The following SLU7 variants were observed in gnomAD, a reference collection of about 807,000 sequenced individuals.
SLU7 encodes the protein spliceosome associated SLU7, also known as pre-mRNA-splicing factor SLU7.
SLU7 carries 60 observed loss-of-function variants against 87.0 expected under a neutral mutation model. The ratio of observed to expected loss-of-function variants is 0.69; its 90% CI spans 0.56 to 0.86. The LOEUF (loss-of-function observed/expected upper bound fraction) is 0.86. SLU7 is among the 40% of genes least tolerant of loss of function. SLU7 has a pLI of 0.00. For missense variants in SLU7, 507 were observed against 686.6 expected (o/e 0.74, Z 2.92); for synonymous variants, 197 against 222.0 (o/e 0.89, Z 1.00).
chr5:160,418,465 A>C (rs1052904378), intron 1 of SLU7: 1 of 152,220 alleles, frequency 6.6e-6, no homozygotes, highest in Non-Finnish European at 1.5e-5. Context: ...AACTGAATAA[A>C]GTATTATAGT....
chr5:160,416,263 G>A (rs1033220927), intron 1 of SLU7, among the ~76,000 whole-genome samples: 3 of 152,034 alleles, frequency 2.0e-5, no homozygotes, highest in African/African-American at 7.2e-5. Context: ...ATTCCTCAAG[G>A]CTCAGTCAGC....
intron 6 of SLU7, among the ~76,000 whole-genome samples, chr5:160,411,514 C>T (rs1248744847): frequency 6.6e-6 from 1 of 152,146 alleles, no homozygotes; most frequent in African/African-American, 2.4e-5. Context: ...CCATTGTGCT[C>T]GGCCAGAGAT....
intron 1 of SLU7, among the ~76,000 whole-genome samples, chr5:160,416,899 G>A (rs1355500909): frequency 1.3e-5 from 2 of 152,220 alleles, no homozygotes; most frequent in Admixed American, 6.5e-5. Context: ...TTGTGGGAGA[G>A]ACCGGGTGAG....
intron 1 of SLU7, among the ~76,000 whole-genome samples, chr5:160,416,299 A>C (rs571446738): frequency 6.6e-6 from 1 of 152,164 alleles, no homozygotes; most frequent in Non-Finnish European, 1.5e-5. Context: ...CTAAACTCCC[A>C]CTAATGGATA....
rs1436559178 is a variant in SLU7 at position 160,407,689 on chromosome 5, A to T, written c.985+57T>A. 1 of 1,602,228 alleles carries T rather than the reference A, an allele frequency of 6.2e-7. No individual in the cohort carries two copies. The highest frequency in any genetic ancestry group is 1.3e-5 in the African/African-American group (1 of 74,294). On this transcript the variant is annotated intron_variant, in intron 10 of 15. Transcript: ENST00000297151. This position sits in a 1 kb window ranked among gnomAD's most constrained non-coding sequence, Gnocchi z 4.2. ...TGCTTCTTGAAAACAAGCTTTAAAC[A>T]ATCCCAAACGTCTTATGAGCTGATA... is the stretch of plus-strand genomic sequence containing the variant.
chr5:160,404,622 C>T (rs1048109458), intron 14 of SLU7, 66 bp from the exon 15 acceptor site: 29 of 1,120,032 alleles, frequency 2.6e-5, no homozygotes, highest in South Asian at 1.5e-4. Context: ...ACTACTTGGG[C>T]GGCTGAGGCA....
chr5:160,413,440 A>C lies in SLU7; in HGVS notation c.570+16T>G, dbSNP rs1323038775. On this transcript the variant is annotated intron_variant, in intron 5 of 15. Coordinates refer to ENST00000297151, the MANE Select transcript of SLU7 (RefSeq NM_006425.5). ...GATTCTTTAAAAACCCCAGGAAAGC[A>C]GGGAATTTTGCTCACCAAATCAACT... is the stretch of plus-strand genomic sequence containing the variant. 1 of 1,610,662 alleles carries C rather than the reference A, an allele frequency of 6.2e-7. No homozygotes were observed. Among genetic ancestry groups the C allele is most frequent in the Admixed American group, 1.7e-5 (1 of 59,620 alleles).
Position 160,408,059 on chromosome 5 carries a change from T to C in SLU7, c.829A>G (p.Asn277Asp). The change falls in exon 9 of 16, where the codon AAT (asparagine) becomes GAT (aspartate). Residue 277 changes from asparagine to aspartate, a missense_variant. Transcript: ENST00000297151. ...IREDIAKYLR[N>D]LDPNSAYYDP... ...TAGTAGGCAGAATTTGGATCTAAAT[T>C]CCTCAAATACTAGAAGAAAAAAATA... 9 of 1,602,918 alleles carry C rather than the reference T, an allele frequency of 5.6e-6. No individual in the cohort carries two copies. The highest frequency in any genetic ancestry group is 7.7e-6 in the Non-Finnish European group (9 of 1,170,210).
intron 12 of SLU7, among the ~76,000 whole-genome samples, chr5:160,405,751 G>A (rs1262975631): frequency 6.6e-6 from 1 of 151,992 alleles, no homozygotes; most frequent in Non-Finnish European, 1.5e-5. Flanking sequence ...AAACATACAG[G>A]GATAGAGAAA....
Position 160,401,703 on chromosome 5 carries a change from C to T in SLU7, c.*1582G>A, listed in dbSNP as rs1184813264. On this transcript the variant is annotated 3_prime_UTR_variant, in exon 16 of 16. Coordinates refer to ENST00000297151, the MANE Select transcript of SLU7 (RefSeq NM_006425.5). ...AAGATAAAATACAAAACGGACACAA[C>T]ATCAGCCTTTATGTTGAACCACCCT... 1 of 152,192 alleles carries T rather than the reference C, an allele frequency of 6.6e-6. No homozygotes were observed. The highest frequency in any genetic ancestry group is 2.4e-5 in the African/African-American group (1 of 41,434). 9.4% of individuals were successfully genotyped at this position (152,192 alleles called of 1,614,324 possible).
Position 160,406,505 on chromosome 5 carries a change from G to C in SLU7, c.1250C>G (p.Ser417Cys). The change falls in exon 12 of 16, where the codon TCT (serine) becomes TGT (cysteine). Residue 417 changes from serine to cysteine, a missense_variant. By Grantham distance (112) the Ser-to-Cys change is moderately radical. Coordinates refer to ENST00000297151, the MANE Select transcript of SLU7 (RefSeq NM_006425.5). ...GATCTTCACATCCTCCTCATACTTA[G>C]AGCAGGCAACAGCCCGCTCCTGTCC... ...IKGQERAVACSKYEEDVKIHN... is the reference protein window; with the variant it reads ...IKGQERAVACCKYEEDVKIHN... 2 of 1,613,228 alleles carry C rather than the reference G, an allele frequency of 1.2e-6. No homozygotes were observed. The highest frequency in any genetic ancestry group is 1.7e-6 in the Non-Finnish European group (2 of 1,179,712).
At chr5:160,406,997 T>C (rs1765041893) in intron 11 of SLU7, among the ~76,000 whole-genome samples, 1 of 152,248 alleles carries the variant, frequency 6.6e-6, no homozygotes, top group Admixed American at 6.5e-5. Context: ...GCAAATGTGA[T>C]GCAAGCAAAG....
At chr5:160,413,712 C>A in intron 4 of SLU7, 92 bp from the exon 5 acceptor site, 1 of 1,197,502 alleles carries the variant, frequency 8.4e-7, no homozygotes, top group Non-Finnish European at 1.2e-6. Context: ...ACTTTACGAT[C>A]TATTCAATTT....
Position 160,407,464 on chromosome 5 carries a change from G to A in SLU7, c.1125+12C>T. On this transcript the variant is annotated intron_variant, in intron 11 of 15. Transcript: ENST00000297151. This position sits in a 1 kb window ranked among gnomAD's most constrained non-coding sequence, Gnocchi z 4.2. Reference sequence around the variant, plus strand: ...AACAGAAGTTCTTCTTTAGCATTTTGGTCAAAATTACCTTTTCCAGGATGC... The same window carrying A: ...AACAGAAGTTCTTCTTTAGCATTTTAGTCAAAATTACCTTTTCCAGGATGC... 2 of 1,597,066 alleles carry A rather than the reference G, an allele frequency of 1.3e-6. No individual in the cohort carries two copies. The highest frequency in any genetic ancestry group is 1.7e-6 in the Non-Finnish European group (2 of 1,174,702).
At chr5:160,416,525 G>C (rs1429950192) in intron 1 of SLU7, among the ~76,000 whole-genome samples, 1 of 152,188 alleles carries the variant, frequency 6.6e-6, no homozygotes. Flanking sequence ...TCAATCTCAT[G>C]ATCTTCCCTC....
chr5:160,408,744 A>C (rs746138255), intron 6 of SLU7, 47 bp from the exon 7 acceptor site: 6 of 880,740 alleles, frequency 6.8e-6, no homozygotes. Context: ...ATTCCACTTA[A>C]TCCAATTAAC....
chr5:160,412,657 G>A, intron 5 of SLU7, 138 bp from the exon 6 acceptor site: 1 of 600,272 alleles, frequency 1.7e-6, no homozygotes, highest in Non-Finnish European at 2.8e-6. Flanking sequence ...AAAGGTCACT[G>A]AACAAACCTA....
At chr5:160,404,389 A>C in intron 15 of SLU7, 51 bp downstream of exon 15, 1 of 1,193,534 alleles carries the variant, frequency 8.4e-7, no homozygotes, top group Non-Finnish European at 1.2e-6. Flanking sequence ...AACCCAAAAA[A>C]CAAAGAATAC....
Position 160,402,200 on chromosome 5 carries a change from A to C in SLU7, c.*1085T>G, listed in dbSNP as rs1255657223. 1 of 152,228 alleles carries C rather than the reference A, an allele frequency of 6.6e-6. No individual in the cohort carries two copies. Among genetic ancestry groups the C allele is most frequent in the Non-Finnish European group, 1.5e-5 (1 of 68,042 alleles). 9.4% of individuals were successfully genotyped at this position (152,228 alleles called of 1,614,324 possible). ...ATTAGGATATTCTACAATTTAAAAA[A>C]TCTAATATTCATGATTGTTACATAG... On this transcript the variant is annotated 3_prime_UTR_variant, in exon 16 of 16. Coordinates refer to ENST00000297151, the MANE Select transcript of SLU7 (RefSeq NM_006425.5).
Sources: gnomAD v4.1 joint callset for allele counts (sites outside exome capture counted in the v4.1 genomes callset) on GRCh38, gnomAD v4.1.1 for gene constraint, Gnocchi (gnomAD v3.1) non-coding constraint, MANE v1.5 for transcripts, NCBI Gene and HGNC (gene_info 2026-07-23, HGNC 2026-07-21) for gene names.